Variants in GALNT17 observed in about 807,000 individuals in gnomAD.
GALNT17 encodes UDP-GalNAc:polypeptide N-acetylgalactosaminyltransferase-like 3.
In GALNT17, 29 loss-of-function variants were observed where a neutral mutation model predicts 63.7. That is an observed-to-expected ratio of 0.46 (90% confidence interval 0.34 to 0.62). The LOEUF is 0.62. Among genes scored for constraint, GALNT17 ranks in the 20% least tolerant of loss-of-function variants. The probability of loss-of-function intolerance (pLI) is 0.01; values close to 1 mark genes in which losing one functional copy is unlikely to be tolerated. For synonymous variants in GALNT17, 305 were observed against 318.3 expected (o/e 0.96, Z 0.45); for missense variants, 603 against 799.6 (o/e 0.75, Z 2.97).
intron 1 of GALNT17, among the ~76,000 whole-genome samples, chr7:71,265,508 G>C (rs1583812792): frequency 1.3e-5 from 2 of 152,248 alleles, no homozygotes; most frequent in East Asian, 3.9e-4. Flanking sequence ...CATAATGATA[G>C]AGTGTAGAGA....
intron 5 of GALNT17, among the ~76,000 whole-genome samples, chr7:71,557,360 C>T (rs1190045282): frequency 6.6e-6 from 1 of 152,108 alleles, no homozygotes; most frequent in African/African-American, 2.4e-5. Context: ...GAATGTACAT[C>T]CTAAAGCTTT....
intron 1 of GALNT17, among the ~76,000 whole-genome samples, chr7:71,149,094 T>A (rs1192290608): frequency 6.6e-6 from 1 of 151,728 alleles, no homozygotes; most frequent in African/African-American, 2.4e-5. Flanking sequence ...TTATAAACTA[T>A]CTTTTTCTGG....
At chr7:71,458,054 A>G (rs189521400) in intron 5 of GALNT17, among the ~76,000 whole-genome samples, 199 of 151,962 alleles carry the variant, frequency 1.3e-3, no homozygotes, top group African/African-American at 4.2e-3. Flanking sequence ...GTTCTCTCCA[A>G]TCCCCACACT....
At chr7:71,395,171 A>G (rs889795645) in intron 3 of GALNT17, among the ~76,000 whole-genome samples, 1 of 152,196 alleles carries the variant, frequency 6.6e-6, no homozygotes, top group Admixed American at 6.5e-5. Flanking sequence ...ACCTATCACC[A>G]CTACCTAATT....
chr7:71,621,282 C>T (rs1790284908), intron 6 of GALNT17, among the ~76,000 whole-genome samples: 1 of 151,990 alleles, frequency 6.6e-6, no homozygotes, highest in South Asian at 2.1e-4. Flanking sequence ...TCTCAGTATA[C>T]ATGAAATACT....
chr7:71,580,455 G>A (rs749728810), intron 6 of GALNT17, among the ~76,000 whole-genome samples: 6 of 151,980 alleles, frequency 3.9e-5, no homozygotes, highest in Non-Finnish European at 8.8e-5. Context: ...ATGAGACATA[G>A]ATAGTCTCAA....
intron 1 of GALNT17, among the ~76,000 whole-genome samples, chr7:71,142,444 G>A (rs1478409473): frequency 6.6e-6 from 1 of 152,162 alleles, no homozygotes; most frequent in African/African-American, 2.4e-5. Flanking sequence ...TTAATGCCTA[G>A]GAGAAGAAAT....
chr7:71,343,739 A>G (rs1016717430), intron 2 of GALNT17, among the ~76,000 whole-genome samples: 3 of 152,266 alleles, frequency 2.0e-5, no homozygotes, highest in Middle Eastern at 3.4e-3. Context: ...ATATGGTTCA[A>G]GTTTGCATCT....
intron 8 of GALNT17, among the ~76,000 whole-genome samples, chr7:71,675,131 C>T (rs1168882498): frequency 6.6e-6 from 1 of 152,052 alleles, no homozygotes; most frequent in African/African-American, 2.4e-5. Flanking sequence ...TTGCAGTGAG[C>T]CGAGATTGCG....
chr7:71,355,122 T>C (rs546900984), intron 2 of GALNT17, among the ~76,000 whole-genome samples: 3 of 152,186 alleles, frequency 2.0e-5, no homozygotes, highest in Non-Finnish European at 4.4e-5. Context: ...ACTTTGTTAA[T>C]TATGTTTTAA....
rs573089398 is a variant in GALNT17, at chr7:71,339,960, G to A, written c.422+4227G>A. 3.9e-5 allele frequency among the ~76,000 whole-genome samples: 6 copies of A among 152,310 alleles called. No individual in the cohort carries two copies. In the South Asian group the frequency reaches 1.2e-3, roughly 32 times the overall value. ...ACAACAGGTTGGGTGATGATCACAG[G>A]GAAGAGAGACATGTACAAAATTTTG... On this transcript the variant is annotated intron_variant, in intron 2 of 10. Transcript: ENST00000333538.
intron 1 of GALNT17, among the ~76,000 whole-genome samples, chr7:71,233,946 C>T (rs573474212): frequency 1.8e-4 from 28 of 152,226 alleles, no homozygotes; most frequent in African/African-American, 6.5e-4. Context: ...AGAAAGTGGT[C>T]AAAGAGGGAG....
At chr7:71,308,410 G>A (rs1405646517) in intron 1 of GALNT17, among the ~76,000 whole-genome samples, 1 of 152,122 alleles carries the variant, frequency 6.6e-6, no homozygotes, top group African/African-American at 2.4e-5. Flanking sequence ...GAGGCATTGG[G>A]GCTGATGTCA....
At chr7:71,557,968 G>T (rs2116846672) in intron 5 of GALNT17, among the ~76,000 whole-genome samples, 1 of 152,172 alleles carries the variant, frequency 6.6e-6, no homozygotes, top group Admixed American at 6.5e-5. Flanking sequence ...CAGCCACTCA[G>T]GAGGCTGAGG....
At chr7:71,377,112 AAAATATAT>A (rs1165582645) in intron 2 of GALNT17, among the ~76,000 whole-genome samples, 3 of 57,236 alleles carry the variant, frequency 5.2e-5, no homozygotes, top group African/African-American at 8.9e-5. Flanking sequence ...AAAAATAAAA[AAAATATAT>A]ATATATATAT....
intron 5 of GALNT17, among the ~76,000 whole-genome samples, chr7:71,550,856 C>G (rs375226427): frequency 6.6e-6 from 1 of 151,826 alleles, no homozygotes; most frequent in East Asian, 1.9e-4. Flanking sequence ...TTTTTTAAAT[C>G]TCTGATTTTT....
chr7:71,386,649 A>G (rs907967227), intron 2 of GALNT17, among the ~76,000 whole-genome samples: 7 of 152,260 alleles, frequency 4.6e-5, no homozygotes, highest in Admixed American at 4.6e-4. Context: ...TCTGGAGTCC[A>G]TACTGGATGA....
chr7:71,481,630 C>G (rs1787819952), intron 5 of GALNT17, among the ~76,000 whole-genome samples: 1 of 151,998 alleles, frequency 6.6e-6, no homozygotes, highest in South Asian at 2.1e-4. Context: ...TGTAGCTCAC[C>G]CACATTACTG....
chr7:71,563,559 C>T (rs967906238), intron 5 of GALNT17, among the ~76,000 whole-genome samples: 3 of 152,128 alleles, frequency 2.0e-5, no homozygotes, highest in Admixed American at 6.5e-5. Flanking sequence ...GCTGACTGGC[C>T]TGTCCATGGG....
Sources: gnomAD v4.1 joint callset for allele counts (sites outside exome capture counted in the v4.1 genomes callset) on GRCh38, gnomAD v4.1.1 for gene constraint, MANE v1.5 for transcripts, NCBI Gene and HGNC (gene_info 2026-07-23, HGNC 2026-07-21) for gene names.